The following PHACTR1 variants were observed in gnomAD, a reference collection of about 807,000 sequenced individuals.
The protein encoded by PHACTR1 is RPEL repeat containing 1.
A neutral mutation model predicts 69.2 loss-of-function variants in PHACTR1; 16 were observed. The observed-to-expected ratio is 0.23, with a 90% CI of 0.16 to 0.35. The LOEUF is 0.35. Ranked by LOEUF, PHACTR1 falls within the 10% of genes least tolerant of loss-of-function variation. The pLI is 1.00. For synonymous variants in PHACTR1, 312 were observed against 284.5 expected, an observed-to-expected ratio of 1.10 and a Z score of -0.97; for missense variants, 510 against 734.7, an observed-to-expected ratio of 0.69 and a Z score of 3.54.
At chr6:13,214,966 C>T (rs1029860584) in intron 8 of PHACTR1, among the ~76,000 whole-genome samples, 1 of 152,098 alleles carries the variant, frequency 6.6e-6, no homozygotes, top group Non-Finnish European at 1.5e-5. Context: ...AAAATAAATA[C>T]GTTTCTAATA....
chr6:12,727,036 C>T (rs150086398), intron 3 of PHACTR1, among the ~76,000 whole-genome samples: 9 of 152,134 alleles, frequency 5.9e-5, no homozygotes, highest in African/African-American at 1.9e-4. Flanking sequence ...TTTGTTTTTG[C>T]TTTTATTTGT....
chr6:12,947,190 A>G (rs1790775532), intron 4 of PHACTR1, among the ~76,000 whole-genome samples: 1 of 152,136 alleles, frequency 6.6e-6, no homozygotes, highest in Admixed American at 6.5e-5. Context: ...AAAAAAAGGA[A>G]TACCCATAAA....
chr6:12,957,596 C>T, intron 4 of PHACTR1: 1 of 985,626 alleles, frequency 1.0e-6, no homozygotes, highest in Non-Finnish European at 1.2e-6. Flanking sequence ...TTAGAGACGT[C>T]TGAGTACCCG....
At chr6:12,889,738 CTTCT>C (rs1200100573) in intron 4 of PHACTR1, among the ~76,000 whole-genome samples, 1 of 149,728 alleles carries the variant, frequency 6.7e-6, no homozygotes, top group Admixed American at 6.7e-5. Flanking sequence ...CTTCTTCTTT[CTTCT>C]TTCTTCTTCT....
intron 4 of PHACTR1, among the ~76,000 whole-genome samples, chr6:12,896,513 C>T (rs6932907): frequency 6.6e-6 from 1 of 152,062 alleles, no homozygotes; most frequent in East Asian, 1.9e-4. Context: ...CGGAGGCCCA[C>T]CCCAACCCTA....
intron 6 of PHACTR1, among the ~76,000 whole-genome samples, chr6:13,172,063 G>A (rs561390638): frequency 1.2e-4 from 18 of 152,146 alleles, no homozygotes; most frequent in East Asian, 9.7e-4. Context: ...CACCACGCCC[G>A]GTCAACTCTA....
intron 3 of PHACTR1, among the ~76,000 whole-genome samples, chr6:12,730,477 T>TAAA (rs541780959): frequency 7.0e-6 from 1 of 142,256 alleles, no homozygotes; most frequent in East Asian, 2.0e-4. Flanking sequence ...ACACGTGATT[T>TAAA]AAAAAAAAAA....
rs1268550417 is a variant in PHACTR1, at chr6:13,230,062, G to A, written c.1260G>A (p.Arg420=). ...YTSSLAMKVC[R]KDSLAIKLSN... ...GCTCCCTGGCCATGAAGGTCTGCAG[G>A]AAGGACTCCTTAGCCATCAAACTCA... The change falls in exon 10 of 15, where the codon AGG becomes AGA. Residue 420 remains arginine (R), a synonymous_variant. Coordinates refer to ENST00000332995, the MANE Select transcript of PHACTR1 (RefSeq NM_030948.6). 1.7e-5 allele frequency: 27 copies of A among 1,610,902 alleles called. No homozygotes were observed. Among genetic ancestry groups the A allele is most frequent in the South Asian group, 1.0e-4 (9 of 90,324 alleles).
chr6:13,097,310 T>C (rs1319214963), intron 5 of PHACTR1, among the ~76,000 whole-genome samples: 4 of 152,370 alleles, frequency 2.6e-5, no homozygotes, highest in South Asian at 2.1e-4. Context: ...ATTATTCTTG[T>C]TGATGCAAAT....
chr6:12,829,181 C>T (rs747644760), intron 4 of PHACTR1, among the ~76,000 whole-genome samples: 1 of 152,176 alleles, frequency 6.6e-6, no homozygotes, highest in Non-Finnish European at 1.5e-5. Flanking sequence ...TTGTAGCTCT[C>T]GGCCCAGGGG....
At chr6:13,226,657 C>T (rs1001035527) in intron 8 of PHACTR1, among the ~76,000 whole-genome samples, 1 of 152,054 alleles carries the variant, frequency 6.6e-6, no homozygotes, top group African/African-American at 2.4e-5. Flanking sequence ...ACTACATAAT[C>T]CTCAGCTAGA....
chr6:12,812,580 A>T (rs1571995), intron 4 of PHACTR1, among the ~76,000 whole-genome samples: 2 of 152,242 alleles, frequency 1.3e-5, no homozygotes, highest in Non-Finnish European at 2.9e-5. Context: ...CAGTGTTTCT[A>T]CACTACACTG....
intron 3 of PHACTR1, among the ~76,000 whole-genome samples, chr6:12,739,543 A>T (rs554211269): frequency 2.0e-5 from 3 of 151,916 alleles, no homozygotes; most frequent in Admixed American, 6.6e-5. Flanking sequence ...TAAATAAATA[A>T]ATTTATTTAT....
chr6:13,076,231 C>T (rs757318520), intron 5 of PHACTR1, among the ~76,000 whole-genome samples: 1 of 151,958 alleles, frequency 6.6e-6, no homozygotes, highest in Admixed American at 6.6e-5. Context: ...GAACTGGCAG[C>T]CAATAATTAC....
In PHACTR1 at chr6:13,120,426, G is replaced by A. The variant is rs73723388; in HGVS notation, c.416-39778G>A. Among the ~76,000 whole-genome samples, 183 of 152,318 alleles carry A rather than the reference G, an allele frequency of 1.2e-3. 2 individuals carry two copies. The highest frequency in any genetic ancestry group is 3.8e-3 in the African/African-American group (160 of 41,578). ...CATGGAGAGTTAATAGGAAAATGAT[G>A]ATCTTAAATGAGTTAAGGACAGAGT... On this transcript the variant is annotated intron_variant, in intron 5 of 14. Transcript: ENST00000332995.
intron 4 of PHACTR1, among the ~76,000 whole-genome samples, chr6:12,794,062 C>T (rs764972638): frequency 6.6e-6 from 1 of 152,214 alleles, no homozygotes; most frequent in Admixed American, 6.5e-5. Context: ...CACTTAGCAG[C>T]TGGGTGACCT....
chr6:13,061,747 T>C (rs1448016818), intron 5 of PHACTR1, among the ~76,000 whole-genome samples: 1 of 152,168 alleles, frequency 6.6e-6, no homozygotes, highest in Non-Finnish European at 1.5e-5. Flanking sequence ...AAAAAGGAAA[T>C]TTCCTCTTTG....
chr6:12,857,323 A>T (rs530465242), intron 4 of PHACTR1, among the ~76,000 whole-genome samples: 2 of 152,288 alleles, frequency 1.3e-5, no homozygotes, highest in East Asian at 1.9e-4. Flanking sequence ...AAAAAAATCA[A>T]CATTCTCGTC....
At chr6:13,058,658 G>T (rs1430170858) in intron 5 of PHACTR1, among the ~76,000 whole-genome samples, 1 of 152,142 alleles carries the variant, frequency 6.6e-6, no homozygotes, top group Non-Finnish European at 1.5e-5. Context: ...GGAGAGGGGG[G>T]ACTTCACTTA....
Sources: allele counts gnomAD v4.1 joint callset (sites outside exome capture counted in the v4.1 genomes callset), GRCh38; gene constraint gnomAD v4.1.1; transcripts MANE v1.5; gene names NCBI Gene and HGNC (gene_info 2026-07-23, HGNC 2026-07-21).